Variants in EGFR observed in about 807,000 individuals in gnomAD.
EGFR encodes epidermal growth factor receptor, also known as avian erythroblastic leukemia viral (v-erb-b) oncogene homolog.
EGFR carries 58 observed loss-of-function variants against 143.0 expected under a neutral mutation model. The ratio of observed to expected loss-of-function variants is 0.41; its 90% CI spans 0.33 to 0.50. EGFR has a LOEUF of 0.50. Among genes scored for constraint, EGFR ranks in the 20% least tolerant of loss-of-function variants. The pLI, the probability that EGFR is intolerant of heterozygous loss-of-function variation, is 0.39. For synonymous variants in EGFR, 613 were observed against 594.4 expected (o/e 1.03, Z -0.45); for missense variants, 1,307 against 1,579.0 (o/e 0.83, Z 2.92).
chr7:55,041,714 G>A (rs1023980653), intron 1 of EGFR, among the ~76,000 whole-genome samples: 3 of 152,138 alleles, frequency 2.0e-5, no homozygotes, highest in Non-Finnish European at 2.9e-5. Context: ...TACTTCAATT[G>A]TAATACCTAG....
rs1271375100 is a variant in EGFR at position 55,160,303 on chromosome 7, C to G, written c.1463C>G (p.Thr488Ser). Residue 488 changes from threonine (T) to serine (S), a missense_variant, in exon 12 of 28, where the codon ACC becomes AGC. Transcript: ENST00000275493. ...KKLFGTSGQK[T>S]KIISNRGENS... is the part of the protein sequence containing the mutation. ...CTGTTTGGGACCTCCGGTCAGAAAA[C>G]CAAAATTATAAGCAACAGAGGTGAA... 1.3e-5 allele frequency: 21 copies of G among 1,613,658 alleles called. No homozygotes were observed. The highest frequency in any genetic ancestry group is 1.8e-5 in the Non-Finnish European group (21 of 1,179,958).
chr7:55,022,047 A>G (rs1786598265), intron 1 of EGFR, among the ~76,000 whole-genome samples: 1 of 152,212 alleles, frequency 6.6e-6, no homozygotes, highest in Non-Finnish European at 1.5e-5. Context: ...GAGCCGGCTC[A>G]TGACGATGAG....
In EGFR at chr7:55,209,234, A is replaced by G. The variant is rs372810491; in HGVS notation, c.*3617A>G. On this transcript the variant is annotated 3_prime_UTR_variant, in exon 28 of 28. Coordinates refer to ENST00000275493, the MANE Select transcript of EGFR (RefSeq NM_005228.5). Reference sequence around the variant, plus strand: ...CCTTATTTCTAGGGTCTTCAGTTGTACAAGACTGTGGGTCTGTACCAGAGC... The same window carrying G: ...CCTTATTTCTAGGGTCTTCAGTTGTGCAAGACTGTGGGTCTGTACCAGAGC... 6.6e-6 allele frequency: 1 copy of G among 152,172 alleles called. No homozygotes were observed. Among genetic ancestry groups the G allele is most frequent in the African/African-American group, 2.4e-5 (1 of 41,438 alleles). 9.4% of individuals were successfully genotyped at this position (152,172 alleles called of 1,614,324 possible). A position where few individuals can be genotyped will look rare whatever the true frequency, so the allele number is the denominator to read the frequency against.
At chr7:55,060,822 G>C (rs1208187353) in intron 1 of EGFR, among the ~76,000 whole-genome samples, 1 of 152,214 alleles carries the variant, frequency 6.6e-6, no homozygotes, top group African/African-American at 2.4e-5. Context: ...AGGGCTCAAT[G>C]CCAACTCTGC....
chr7:55,172,809 A>G, intron 16 of EGFR, 174 bp from the exon 17 acceptor site: 1 of 1,538,896 alleles, frequency 6.5e-7, no homozygotes, highest in South Asian at 1.2e-5. Flanking sequence ...AGAAAGTTGG[A>G]AACGTTGCCT....
intron 1 of EGFR, among the ~76,000 whole-genome samples, chr7:55,060,845 G>A (rs1789124315): frequency 6.6e-6 from 1 of 152,188 alleles, no homozygotes. Context: ...GTTTCCAACT[G>A]TGTAACCATG....
intron 1 of EGFR, among the ~76,000 whole-genome samples, chr7:55,105,528 G>A (rs183286366): frequency 9.8e-5 from 15 of 152,288 alleles, no homozygotes; most frequent in Admixed American, 7.8e-4. Flanking sequence ...GTATCCTAAC[G>A]TGGACACTAA....
At chr7:55,165,477 TG>T (rs1356874554) in intron 15 of EGFR, 40 bp downstream of exon 15, 1 of 1,574,092 alleles carries the variant, frequency 6.4e-7, no homozygotes, top group African/African-American at 1.4e-5. Context: ...TTTCCTCTCT[TG>T]CAAATTCAGA....
chr7:55,201,725 T>A lies in EGFR; in HGVS notation c.3115-10T>A, dbSNP rs2128972455. 1 of 1,614,214 alleles carries A rather than the reference T, an allele frequency of 6.2e-7. No individual in the cohort carries two copies. The highest frequency in any genetic ancestry group is 8.5e-7 in the Non-Finnish European group (1 of 1,180,040). On this transcript the variant is annotated splice_polypyrimidine_tract_variant and intron_variant, in intron 25 of 27. Transcript: ENST00000275493. ...GCATTCCATGGGCAACTTCTCTGTT[T>A]CTTTTTCAGAGTGCAACCAGCAACA...
rs982202972 is a variant in EGFR, at chr7:55,143,585, G to A, written c.424+97G>A. Reference sequence around the variant, plus strand: ...TGTCACTCAATTCCACCTCGGAGAAGGCTTTTATTTTTACCCAGTACACGT... The same window carrying A: ...TGTCACTCAATTCCACCTCGGAGAAAGCTTTTATTTTTACCCAGTACACGT... On this transcript the variant is annotated intron_variant, in intron 3 of 27. Transcript: ENST00000275493. The A allele has an allele frequency of 1.8e-5, 26 of 1,416,954 alleles. No individual in the cohort carries two copies. In the African/African-American group the frequency reaches 2.3e-4, roughly 12 times the overall value. The allele number at this position is 1,416,954 out of a possible 1,614,324, so 87.8% of individuals were successfully genotyped here. A position where few individuals can be genotyped will look rare whatever the true frequency, so the allele number is the denominator to read the frequency against.
At chr7:55,062,585 T>C (rs1480810331) in intron 1 of EGFR, among the ~76,000 whole-genome samples, 1 of 152,200 alleles carries the variant, frequency 6.6e-6, no homozygotes, top group Admixed American at 6.5e-5. Flanking sequence ...AACTCCATGG[T>C]GCTTGCTTCC....
At chr7:55,134,005 C>T (rs1793997309) in intron 1 of EGFR, among the ~76,000 whole-genome samples, 2 of 152,256 alleles carry the variant, frequency 1.3e-5, no homozygotes, top group African/African-American at 2.4e-5. Context: ...GGCGTTTACT[C>T]ACCCTCTGTC....
intron 1 of EGFR, among the ~76,000 whole-genome samples, chr7:55,037,578 C>A (rs1248781978): frequency 2.6e-5 from 4 of 152,206 alleles, no homozygotes; most frequent in Non-Finnish European, 4.4e-5. Flanking sequence ...GTGAGCTCTT[C>A]ATGGAGTGAT....
At chr7:55,034,063 G>A (rs1381076118) in intron 1 of EGFR, among the ~76,000 whole-genome samples, 1 of 152,064 alleles carries the variant, frequency 6.6e-6, no homozygotes, top group Non-Finnish European at 1.5e-5. Flanking sequence ...CTTTCCAAGG[G>A]TCCAGCTGTA....
chr7:55,035,045 G>A (rs1787479374), intron 1 of EGFR, among the ~76,000 whole-genome samples: 1 of 152,154 alleles, frequency 6.6e-6, no homozygotes, highest in Non-Finnish European at 1.5e-5. Context: ...TGCCTGTTCT[G>A]TTTGGAAACC....
intron 1 of EGFR, among the ~76,000 whole-genome samples, chr7:55,098,910 C>T (rs1791638016): frequency 6.6e-6 from 1 of 152,144 alleles, no homozygotes; most frequent in Non-Finnish European, 1.5e-5. Flanking sequence ...TTCTGACTCC[C>T]CGAGTCTTCT....
chr7:55,051,556 C>T (rs538323163), intron 1 of EGFR, among the ~76,000 whole-genome samples: 62 of 152,270 alleles, frequency 4.1e-4, no homozygotes, highest in South Asian at 2.1e-3. Flanking sequence ...TGCCCTGGGA[C>T]TTTCCAGCCT....
At chr7:55,020,503 G>T (rs1275515857) in intron 1 of EGFR, among the ~76,000 whole-genome samples, 1 of 151,286 alleles carries the variant, frequency 6.6e-6, no homozygotes, top group Non-Finnish European at 1.5e-5. Flanking sequence ...TTCTTTCTTG[G>T]ATGTCTCTTT....
intron 1 of EGFR, among the ~76,000 whole-genome samples, chr7:55,046,306 A>T (rs1048014204): frequency 2.6e-5 from 4 of 152,242 alleles, no homozygotes; most frequent in South Asian, 2.1e-4. Flanking sequence ...GATTGAAAAG[A>T]ATAACCATCT....
Sources: allele counts gnomAD v4.1 joint callset (sites outside exome capture counted in the v4.1 genomes callset), GRCh38; gene constraint gnomAD v4.1.1; transcripts MANE v1.5; gene names NCBI Gene and HGNC (gene_info 2026-07-23, HGNC 2026-07-21).